Variants in KMT2D observed in about 807,000 individuals in gnomAD.
KMT2D encodes lysine methyltransferase 2D, also known as histone-lysine N-methyltransferase 2D.
A neutral mutation model predicts 512.7 loss-of-function variants in KMT2D; 55 were observed. The observed-to-expected ratio is 0.11, with a 90% confidence interval of 0.09 to 0.13. The LOEUF (loss-of-function observed/expected upper bound fraction) is 0.13, where lower values mean the gene tolerates loss of function less well. KMT2D is among the 10% of genes least tolerant of loss of function. The pLI, the probability that KMT2D is intolerant of heterozygous loss-of-function variation, is 1.00. For missense variants in KMT2D, 6,061 were observed against 7,127.9 expected, an observed-to-expected ratio of 0.85 and a Z score of 5.39; for synonymous variants, 2,995 against 2,904.0, an observed-to-expected ratio of 1.03 and a Z score of -1.01.
chr12:49,037,555 T>C lies in KMT2D; in HGVS notation c.9801A>G (p.Ser3267=), dbSNP rs2120481697. 1 of 1,553,912 alleles carries C rather than the reference T, an allele frequency of 6.4e-7. No homozygotes were observed. The highest frequency in any genetic ancestry group is 8.7e-7 in the Non-Finnish European group (1 of 1,148,368). ...GCTGCTGGGCAGGCTGCAACTGTGC[T>C]GAAAGCTGCTGCTTCTTCTGCAGCT... The part of the protein sequence containing the change: ...KKELQKKQQL[S]AQLQPAQQQQ... The change falls in exon 35 of 55, where the codon TCA becomes TCG. Residue 3267 remains serine (S), a synonymous_variant. Coordinates refer to ENST00000301067, the MANE Select transcript of KMT2D (RefSeq NM_003482.4).
In KMT2D at chr12:49,052,655, G is replaced by A. The variant is rs370879376; in HGVS notation, c.1167C>T (p.Tyr389=). ...CCTTTGGCTGCCCTTGGCATGCAAC[G>A]TACAGAGCATCGGGCTCGTCAGTGG... is the stretch of plus-strand genomic sequence containing the variant. ...DTPTDEPDAL[Y]VACQGQPKGG... Residue 389 remains tyrosine (Y), a synonymous_variant, in exon 10 of 55, where the codon TAC becomes TAT. Coordinates refer to ENST00000301067, the MANE Select transcript of KMT2D (RefSeq NM_003482.4). 6.2e-6 allele frequency: 10 copies of A among 1,613,578 alleles called. No homozygotes were observed. The highest frequency in any genetic ancestry group is 4.5e-5 in the East Asian group (2 of 44,898).
Position 49,041,404 on chromosome 12 carries a change from G to A in KMT2D, c.6366C>T (p.Pro2122=), listed in dbSNP as rs1434869781. 1.2e-6 allele frequency: 2 copies of A among 1,605,638 alleles called. No homozygotes were observed. The highest frequency in any genetic ancestry group is 4.5e-5 in the East Asian group (2 of 44,832). The change falls in exon 32 of 55, where the codon CCC becomes CCT. Residue 2122 remains proline, a synonymous_variant. Coordinates refer to ENST00000301067, the MANE Select transcript of KMT2D (RefSeq NM_003482.4). The surrounding 1 kb of genome is among the most constrained non-coding windows in gnomAD (Gnocchi z 5.4). The part of the protein sequence containing the change: ...ALGSPPPAAA[P]TIFIGSPTTP... ...TAGTGGGGCTGCCAATGAAAATGGT[G>A]GGGGCAGCAGCGGGGGGCGGGCTGC...
rs1161537279 is a variant in KMT2D, at chr12:49,050,797, G to C, written c.2798-7C>G. On this transcript the variant is annotated splice_region_variant and splice_polypyrimidine_tract_variant and intron_variant, in intron 11 of 54. Coordinates refer to ENST00000301067, the MANE Select transcript of KMT2D (RefSeq NM_003482.4). ...AGTGGAGGAGGAAGGGGATCTGGAA[G>C]GAAAGAGAAAAAAGAAGGGCTCTTA... The C allele has an allele frequency of 3.8e-6, 6 of 1,586,926 alleles. No individual in the cohort carries two copies. The highest frequency in any genetic ancestry group is 5.1e-6 in the Non-Finnish European group (6 of 1,165,486).
rs1163595062 is a variant in KMT2D, at chr12:49,031,585, G to C, written c.13120C>G (p.Leu4374Val). 6.3e-7 allele frequency: 1 copy of C among 1,599,580 alleles called. No homozygotes were observed. Among genetic ancestry groups the C allele is most frequent in the African/African-American group, 1.3e-5 (1 of 74,716 alleles). The change falls in exon 40 of 55, where the codon CTG (leucine) becomes GTG (valine). Residue 4374 changes from leucine to valine, a missense_variant. Around this residue, in one of 16 missense-constraint regions of KMT2D, gnomAD observed 1,600 missense variants for 1,754.9 expected, o/e 0.91. Transcript: ENST00000301067. ...QLADTLFSKGLGPWDPPDNLA... is the reference protein window; with the variant it reads ...QLADTLFSKGVGPWDPPDNLA... The stretch of plus-strand genomic sequence containing the variant: ...TTGTCTGGGGGATCCCAAGGTCCCA[G>C]ACCCTTGCTAAACAAGGTATCTGCA...
rs779763390 is a variant in KMT2D at position 49,026,648 on chromosome 12, G to C, written c.15318C>G (p.Arg5106=). 3 of 1,613,940 alleles carry C rather than the reference G, an allele frequency of 1.9e-6. No individual in the cohort carries two copies. Among genetic ancestry groups the C allele is most frequent in the Non-Finnish European group, 1.7e-6 (2 of 1,179,916 alleles). ...AATGGTAGACATTGGGGCAACGCAT[G>C]CGATTGCAGCTGCTGGTGGCACCAG... ...QRTGATSSCN[R]MRCPNVYHFA... The change falls in exon 49 of 55, where the codon CGC becomes CGG. Residue 5106 remains arginine, a synonymous_variant. Transcript: ENST00000301067. The surrounding 1 kb of genome is among the most constrained non-coding windows in gnomAD (Gnocchi z 9.6).
chr12:49,036,478 ATTTTTTTTTTTTT>A (rs34412400), intron 35 of KMT2D, among the ~76,000 whole-genome samples: 1 of 73,390 alleles, frequency 1.4e-5, no homozygotes, highest in Non-Finnish European at 2.6e-5. Context: ...CACCCAGCTA[ATTTTTTTTTTTTT>A]TTTTTTTTTT....
chr12:49,045,877 G>C (rs1156700615), intron 19 of KMT2D, 43 bp downstream of exon 19: 2 of 1,465,824 alleles, frequency 1.4e-6, no homozygotes, highest in Admixed American at 1.7e-5. Flanking sequence ...GATGATGTCC[G>C]ACGTCTGGTC....
Position 49,031,182 on chromosome 12 carries a change from T to C in KMT2D, c.13523A>G (p.Asn4508Ser), listed in dbSNP as rs1236246147. Residue 4508 changes from asparagine (N) to serine (S), a missense_variant, in exon 40 of 55, where the codon AAC becomes AGC. Physicochemically the swap from Asn to Ser is conservative, Grantham distance 46. Around this residue, in one of 16 missense-constraint regions of KMT2D, gnomAD observed 1,600 missense variants for 1,754.9 expected, o/e 0.91. Transcript: ENST00000301067. ...TCTACTCAGAGTACTCACCTCCTTGTTGCTGGGGGTACCCTGTAGTTTCTG... is the reference window on the plus strand; with the variant it reads ...TCTACTCAGAGTACTCACCTCCTTGCTGCTGGGGGTACCCTGTAGTTTCTG... ...LEQKLQGTPS[N>S]KEDAAARKPL... 1.9e-6 allele frequency: 3 copies of C among 1,607,876 alleles called. No individual in the cohort carries two copies. The highest frequency in any genetic ancestry group is 1.3e-5 in the African/African-American group (1 of 74,852).
Position 49,046,637 on chromosome 12 carries a change from C to T in KMT2D, c.4390G>A (p.Val1464Ile), listed in dbSNP as rs1474346582. ...TYCLDPPLLT[V>I]PKGGWKCKWC... is the part of the protein sequence containing the mutation. ...TTGCACTTCCAGCCGCCCTTGGGGA[C>T]GGTGAGCAGTGGGGGGTCCAGGCAG... Residue 1464 changes from valine to isoleucine, a missense_variant, in exon 16 of 55, where the codon GTC becomes ATC. Transcript: ENST00000301067. The surrounding 1 kb of genome is among the most constrained non-coding windows in gnomAD (Gnocchi z 4.2). 6.2e-7 allele frequency: 1 copy of T among 1,613,036 alleles called. No homozygotes were observed. Among genetic ancestry groups the T allele is most frequent in the Non-Finnish European group, 8.5e-7 (1 of 1,179,278 alleles).
Position 49,040,980 on chromosome 12 carries a change from C to G in KMT2D, c.6790G>C (p.Gly2264Arg), listed in dbSNP as rs2120539151. 4 of 1,607,180 alleles carry G rather than the reference C, an allele frequency of 2.5e-6. No individual in the cohort carries two copies. Among genetic ancestry groups the G allele is most frequent in the Non-Finnish European group, 3.4e-6 (4 of 1,176,140 alleles). Residue 2264 changes from glycine to arginine, a missense_variant, in exon 32 of 55, where the codon GGG (glycine) becomes CGG (arginine). This residue lies in a region of KMT2D where 710 missense variants were observed against 647.3 expected (regional missense o/e 1.10). Transcript: ENST00000301067. ...NLAVPESPGV[G>R]GGKASEPLLS... Reference sequence around the variant, plus strand: ...AGGGGCTCGGAAGCTTTGCCTCCCCCTACCCCAGGGCTCTCAGGCACAGCC... The same window carrying G: ...AGGGGCTCGGAAGCTTTGCCTCCCCGTACCCCAGGGCTCTCAGGCACAGCC...
At position 49,039,797 on chromosome 12, in the gene KMT2D, G is replaced by A. The variant is rs1943406301; in HGVS notation, c.7973C>T (p.Thr2658Ile). The change falls in exon 32 of 55, where the codon ACA becomes ATA. Residue 2658 changes from threonine to isoleucine, a missense_variant. Coordinates refer to ENST00000301067, the MANE Select transcript of KMT2D (RefSeq NM_003482.4). This position sits in a 1 kb window ranked among gnomAD's most constrained non-coding sequence, Gnocchi z 5.0. ...GTCCTGGGTACCTGGGAGTTCAGCT[G>A]TCGCCAAAGAGCTACCCATTCCAGT... ...PGTGMGSSLATAELPGTQDPG... is the reference protein window; with the variant it reads ...PGTGMGSSLAIAELPGTQDPG... The A allele has an allele frequency of 6.2e-7, 1 of 1,613,854 alleles. No individual in the cohort carries two copies. Among genetic ancestry groups the A allele is most frequent in the Non-Finnish European group, 8.5e-7 (1 of 1,179,892 alleles).
Position 49,041,640 on chromosome 12 carries a change from C to A in KMT2D, c.6234+15G>T. The stretch of plus-strand genomic sequence containing the variant: ...CCACTAGAGGACTGCTACACCCCAG[C>A]CCAGCCCCACTCACCTTCTGCACCT... On this transcript the variant is annotated intron_variant, in intron 31 of 54. Transcript: ENST00000301067. This position sits in a 1 kb window ranked among gnomAD's most constrained non-coding sequence, Gnocchi z 5.4. The A allele has an allele frequency of 6.2e-7, 1 of 1,613,464 alleles. No homozygotes were observed. Among genetic ancestry groups the A allele is most frequent in the Admixed American group, 1.7e-5 (1 of 59,964 alleles).
At position 49,037,733 on chromosome 12, in the gene KMT2D, G is replaced by C. The variant is rs1376941332; in HGVS notation, c.9623C>G (p.Ser3208Cys). 1.9e-6 allele frequency: 3 copies of C among 1,589,010 alleles called. No homozygotes were observed. Among genetic ancestry groups the C allele is most frequent in the South Asian group, 1.1e-5 (1 of 87,188 alleles). The change falls in exon 35 of 55, where the codon TCC becomes TGC. Residue 3208 changes from serine (S) to cysteine (C), a missense_variant. Ser to Cys is a moderately radical substitution (Grantham distance 112). This residue lies in a region of KMT2D where 533 missense variants were observed against 539.6 expected (regional missense o/e 0.99). Transcript: ENST00000301067. ...PSPLSGPGGS[S>C]LLEKFELESG... is the part of the protein sequence containing the mutation. ...CTCGAGCTCAAACTTTTCCAGCAGG[G>C]AGGATCCTCCTGGGCCACTCAGTGG...
At chr12:49,057,647 T>TC (rs567704750) in intron 1 of KMT2D, among the ~76,000 whole-genome samples, 106 of 152,218 alleles carry the variant, frequency 7.0e-4, no homozygotes, top group African/African-American at 2.5e-3. Context: ...AGTCCCTATT[T>TC]CCCCATCCCT....
chr12:49,041,450 G>A lies in KMT2D; in HGVS notation c.6320C>T (p.Pro2107Leu), dbSNP rs1418940802. ...GCTGCCCAGTGCCCCTGGCTGCGGG[G>A]GAATGCGGAGATGTAGGGCCGGTCG... ...TDRPALHLRI[P>L]PQPGALGSPP... Residue 2107 changes from proline (P) to leucine (L), a missense_variant, in exon 32 of 55, where the codon CCC becomes CTC. Pro to Leu is a moderately conservative substitution (Grantham distance 98). Coordinates refer to ENST00000301067, the MANE Select transcript of KMT2D (RefSeq NM_003482.4). The surrounding 1 kb of genome is among the most constrained non-coding windows in gnomAD (Gnocchi z 5.4). The A allele has an allele frequency of 1.2e-6, 2 of 1,612,868 alleles. No individual in the cohort carries two copies. Among genetic ancestry groups the A allele is most frequent in the African/African-American group, 1.3e-5 (1 of 74,866 alleles).
At position 49,042,300 on chromosome 12, in the gene KMT2D, G is replaced by A. The variant is rs761849342; in HGVS notation, c.5898C>T (p.Pro1966=). Residue 1966 remains proline (P), a synonymous_variant, in exon 29 of 55, where the codon CCC becomes CCT. Transcript: ENST00000301067. This position sits in a 1 kb window ranked among gnomAD's most constrained non-coding sequence, Gnocchi z 4.4. ...RERGGFFSPE[P]GEPDSPWTGS... Reference sequence around the variant, plus strand: ...CCGTCCAGGGGCTGTCGGGCTCACCGGGTTCCGGGCTAAAGAAGCCCCCGC... The same window carrying A: ...CCGTCCAGGGGCTGTCGGGCTCACCAGGTTCCGGGCTAAAGAAGCCCCCGC... The A allele has an allele frequency of 1.3e-4, 198 of 1,556,296 alleles. No homozygotes were observed. Among genetic ancestry groups the A allele is most frequent in the Middle Eastern group, 1.7e-4 (1 of 5,952 alleles).
At chr12:49,028,238 C>A in intron 46 of KMT2D, 97 bp from the exon 47 acceptor site, 1 of 1,464,408 alleles carries the variant, frequency 6.8e-7, no homozygotes, top group East Asian at 2.3e-5. Flanking sequence ...ACCTAGAACC[C>A]ACTCCCCAGG....
At chr12:49,027,704 C>T in intron 48 of KMT2D, 99 bp downstream of exon 48, 1 of 1,450,040 alleles carries the variant, frequency 6.9e-7, no homozygotes, top group Non-Finnish European at 9.4e-7. Context: ...ATTCACTCGC[C>T]TTGCCTCCCA....
At position 49,040,081 on chromosome 12, in the gene KMT2D, G is replaced by A. The variant is rs1188528918; in HGVS notation, c.7689C>T (p.Asn2563=). 5 of 1,613,882 alleles carry A rather than the reference G, an allele frequency of 3.1e-6. No homozygotes were observed. The South Asian group carries it at 5.5e-5, about 18-fold the overall frequency. ...AGGTGGGGCCGGGCCCAAAATGGCTGTTGATCCCATGGGGTGGCGGGAGAC... is the reference window on the plus strand; with the variant it reads ...AGGTGGGGCCGGGCCCAAAATGGCTATTGATCCCATGGGGTGGCGGGAGAC... The part of the protein sequence containing the change: ...QPGLPPPHGI[N]SHFGPGPTLG... Residue 2563 remains asparagine, a synonymous_variant, in exon 32 of 55, where the codon AAC becomes AAT. Coordinates refer to ENST00000301067, the MANE Select transcript of KMT2D (RefSeq NM_003482.4).
Sources: gnomAD v4.1 joint callset for allele counts (sites outside exome capture counted in the v4.1 genomes callset) on GRCh38, gnomAD v4.1.1 for gene constraint, gnomAD v4.1.1 regional missense constraint, Gnocchi (gnomAD v3.1) non-coding constraint, MANE v1.5 for transcripts, NCBI Gene and HGNC (gene_info 2026-07-23, HGNC 2026-07-21) for gene names.